PMVK: variants seen among roughly 807,000 people sequenced by gnomAD.
PMVK encodes the protein phosphomevalonate kinase, also known as testis tissue sperm-binding protein Li 95mP.
Under a neutral mutation model 19.0 loss-of-function variants are expected in PMVK, and 10 were observed. That is an observed-to-expected ratio of 0.53 (90% CI 0.32 to 0.89). PMVK has a LOEUF of 0.89. PMVK is among the 40% of genes least tolerant of loss of function. The pLI is 0.03. For missense variants in PMVK, 222 were observed against 251.1 expected (o/e 0.88, Z 0.78); for synonymous variants, 108 against 101.6 (o/e 1.06, Z -0.38).
chr1:154,935,111 A>G (rs1654463860), intron 1 of PMVK, among the ~76,000 whole-genome samples: 1 of 150,358 alleles, frequency 6.7e-6, no homozygotes, highest in Admixed American at 6.6e-5. Flanking sequence ...TGAATGACAG[A>G]TGTGTACAAG....
In PMVK at chr1:154,936,654, ACCAGCCGCGGGGCGCCTC is replaced by A. The variant is rs1398332097; in HGVS notation, c.14_31del (p.Gly5_Leu10del). The A allele has an allele frequency of 6.2e-7, 1 of 1,608,232 alleles. No homozygotes were observed. The highest frequency in any genetic ancestry group is 8.5e-7 in the Non-Finnish European group (1 of 1,177,930). ...TTTCCTCTTGCCGCTGAACAGCAGT[ACCAGCCGCGGGGCGCCTC>A]CCAGCGGGGCCATGGGGCCGCCACG... On this transcript the variant is annotated inframe_deletion, in exon 1 of 5. Transcript: ENST00000368467.
chr1:154,930,260 C>T (rs574805950), intron 2 of PMVK, among the ~76,000 whole-genome samples: 1 of 152,204 alleles, frequency 6.6e-6, no homozygotes, highest in African/African-American at 2.4e-5. Flanking sequence ...GAGTTCAAGA[C>T]CAGCCTGACC....
intron 1 of PMVK, among the ~76,000 whole-genome samples, chr1:154,934,846 T>C (rs1654452040): frequency 6.6e-6 from 1 of 151,970 alleles, no homozygotes; most frequent in Non-Finnish European, 1.5e-5. Flanking sequence ...GCAGATCACC[T>C]GAGGTCAGGA....
At chr1:154,935,253 A>T (rs1654467268) in intron 1 of PMVK, among the ~76,000 whole-genome samples, 1 of 152,008 alleles carries the variant, frequency 6.6e-6, no homozygotes, top group Non-Finnish European at 1.5e-5. Flanking sequence ...AGGTGGTGAG[A>T]TACTTAGTGA....
At chr1:154,931,985 G>A (rs867626225) in intron 2 of PMVK, among the ~76,000 whole-genome samples, 3 of 151,994 alleles carry the variant, frequency 2.0e-5, no homozygotes, top group East Asian at 1.9e-4. Context: ...CACCGTGCTC[G>A]GCCTGTACTA....
chr1:154,930,635 C>G (rs1654306935), intron 2 of PMVK, among the ~76,000 whole-genome samples: 1 of 149,960 alleles, frequency 6.7e-6, no homozygotes, highest in Non-Finnish European at 1.5e-5. Context: ...GTGCCTAGGC[C>G]CCACTAGGGA....
upstream of PMVK, among the ~76,000 whole-genome samples, chr1:154,939,416 T>G (rs1488831566): frequency 3.3e-5 from 5 of 151,870 alleles, no homozygotes; most frequent in Non-Finnish European, 7.4e-5. Context: ...CCCGGTGCAG[T>G]GGCTCATGCC....
the PMVK span, among the ~76,000 whole-genome samples, chr1:154,942,443 T>G: frequency 1.3e-5 from 2 of 152,224 alleles, no homozygotes; most frequent in East Asian, 3.8e-4. Context: ...TCACCACCAG[T>G]GCTGCATGGG....
upstream of PMVK, among the ~76,000 whole-genome samples, chr1:154,941,598 C>A (rs1002922821): frequency 1.3e-5 from 2 of 152,164 alleles, no homozygotes; most frequent in African/African-American, 4.8e-5. Context: ...CAACAGCCAG[C>A]CAGTCCAGTG....
Position 154,936,603 on chromosome 1 carries a change from G to A in PMVK, c.83C>T (p.Ala28Val). ...RKSGKDFVTE[A>V]LQSRLGADVC... ...GCCTCACGGACACCTGCTCTGCAGC[G>A]CCTCGGTCACGAAGTCCTTCCCGGA... The change falls in exon 1 of 5, where the codon GCG (alanine) becomes GTG (valine). Residue 28 changes from alanine to valine, a missense_variant. Ala to Val is a moderately conservative substitution (Grantham distance 64). Transcript: ENST00000368467. 6.2e-7 allele frequency: 1 copy of A among 1,604,722 alleles called. No individual in the cohort carries two copies.
chr1:154,940,216 C>T (rs894598458), upstream of PMVK, among the ~76,000 whole-genome samples: 3 of 152,270 alleles, frequency 2.0e-5, no homozygotes, highest in African/African-American at 4.8e-5. Context: ...TTCCTCTCCA[C>T]AGCATGTGGC....
chr1:154,938,579 GA>G (rs1292675327), upstream of PMVK, among the ~76,000 whole-genome samples: 1 of 151,868 alleles, frequency 6.6e-6, no homozygotes, highest in Non-Finnish European at 1.5e-5. Flanking sequence ...CTGGACAACA[GA>G]AAAAGACTCC....
chr1:154,927,048 A>G (rs1183358728), intron 3 of PMVK, among the ~76,000 whole-genome samples: 1 of 152,114 alleles, frequency 6.6e-6, no homozygotes, highest in African/African-American at 2.4e-5. Context: ...AGCCAACCCA[A>G]GGGCAAATCC....
intron 1 of PMVK, 31 bp downstream of exon 1, chr1:154,936,559 TC>T (rs780997793): frequency 1.3e-6 from 2 of 1,572,052 alleles, no homozygotes; most frequent in South Asian, 1.2e-5. Context: ...TGCGGAGAGC[TC>T]CCCCTTCCAC....
chr1:154,937,811 C>CAG (rs1264339299), upstream of PMVK: 2 of 152,136 alleles, frequency 1.3e-5, no homozygotes, highest in Non-Finnish European at 2.9e-5. Flanking sequence ...GCAAAAAGAA[C>CAG]AGACTTAAGG....
chr1:154,940,340 G>A (rs1225822433), upstream of PMVK, among the ~76,000 whole-genome samples: 1 of 152,174 alleles, frequency 6.6e-6, no homozygotes, highest in Non-Finnish European at 1.5e-5. Context: ...GCCTCCCCTG[G>A]GGCTGAGCGA....
intron 3 of PMVK, among the ~76,000 whole-genome samples, chr1:154,927,279 G>A (rs182394263): frequency 2.4e-3 from 365 of 151,300 alleles, no homozygotes; most frequent in Non-Finnish European, 3.4e-3. Flanking sequence ...ACACCGTCTC[G>A]ACTAAAAATA....
At chr1:154,936,443 G>A in intron 1 of PMVK, 148 bp downstream of exon 1, 1 of 1,458,668 alleles carries the variant, frequency 6.9e-7, no homozygotes, top group East Asian at 2.5e-5. Context: ...ATGTAATGGT[G>A]GCATTCCACC....
Position 154,929,019 on chromosome 1 carries a change from C to G in PMVK, c.312+5G>C. The G allele has an allele frequency of 6.2e-7, 1 of 1,613,458 alleles. No individual in the cohort carries two copies. The highest frequency in any genetic ancestry group is 1.1e-5 in the South Asian group (1 of 91,060). ...GTTCTTCATGCTGCCATGGAGCCCTCTTACCCAGATGGGCTGGGAGATGCC... is the reference window on the plus strand; with the variant it reads ...GTTCTTCATGCTGCCATGGAGCCCTGTTACCCAGATGGGCTGGGAGATGCC... On this transcript the variant is annotated splice_donor_5th_base_variant and intron_variant, in intron 3 of 4. Coordinates refer to ENST00000368467, the MANE Select transcript of PMVK (RefSeq NM_006556.4).
Sources: gnomAD v4.1 joint callset for allele counts (sites outside exome capture counted in the v4.1 genomes callset) on GRCh38, gnomAD v4.1.1 for gene constraint, MANE v1.5 for transcripts, NCBI Gene and HGNC (gene_info 2026-07-23, HGNC 2026-07-21) for gene names.